Variants in UBE2E2 observed in about 807,000 individuals in gnomAD.
The protein encoded by UBE2E2 is ubiquitin-conjugating enzyme E2 E2.
UBE2E2 carries 6 observed loss-of-function variants against 24.7 expected under a neutral mutation model. The observed-to-expected ratio is 0.24, with a 90% confidence interval of 0.13 to 0.48. UBE2E2 has a LOEUF of 0.48. Among genes scored for constraint, UBE2E2 ranks in the 20% least tolerant of loss-of-function variants. The pLI, the probability that UBE2E2 is intolerant of heterozygous loss-of-function variation, is 0.99. For synonymous variants in UBE2E2, 104 were observed against 83.6 expected, an observed-to-expected ratio of 1.24 and a Z score of -1.33; for missense variants, 169 against 245.0, an observed-to-expected ratio of 0.69 and a Z score of 2.07.
chr3:23,211,405 G>GTTT (rs1210286604), intron 2 of UBE2E2, among the ~76,000 whole-genome samples: 7 of 128,698 alleles, frequency 5.4e-5, no homozygotes, highest in Non-Finnish European at 1.1e-4. Context: ...TAGCTCTGTG[G>GTTT]TCTTTTTTTT....
At chr3:23,402,017 C>T (rs186751105) in intron 3 of UBE2E2, among the ~76,000 whole-genome samples, 67 of 152,018 alleles carry the variant, frequency 4.4e-4, no homozygotes, top group African/African-American at 1.4e-3. Flanking sequence ...CTACCACGCC[C>T]GGCTAATTTG....
At chr3:23,451,751 G>C (rs1459188785) in intron 3 of UBE2E2, among the ~76,000 whole-genome samples, 1 of 152,032 alleles carries the variant, frequency 6.6e-6, no homozygotes, top group Non-Finnish European at 1.5e-5. Context: ...ATTTTTATGA[G>C]CGAGGAATAT....
chr3:23,481,655 T>G (rs1034387519), intron 3 of UBE2E2, among the ~76,000 whole-genome samples: 2 of 152,184 alleles, frequency 1.3e-5, no homozygotes, highest in Admixed American at 1.3e-4. Flanking sequence ...ATTCAAAGGT[T>G]AATGCAAACT....
intron 5 of UBE2E2, among the ~76,000 whole-genome samples, chr3:23,553,928 C>T (rs945688827): frequency 6.6e-6 from 1 of 152,058 alleles, no homozygotes; most frequent in Non-Finnish European, 1.5e-5. Flanking sequence ...ATTTCATGCT[C>T]ATGGACTGGA....
intron 3 of UBE2E2, among the ~76,000 whole-genome samples, chr3:23,320,785 T>C (rs1048313599): frequency 6.6e-6 from 1 of 152,284 alleles, no homozygotes; most frequent in African/African-American, 2.4e-5. Flanking sequence ...CACCCCGGCA[T>C]CCCCCATCTC....
chr3:23,575,687 C>T (rs977663697), intron 5 of UBE2E2, among the ~76,000 whole-genome samples: 1 of 152,070 alleles, frequency 6.6e-6, no homozygotes, highest in East Asian at 1.9e-4. Flanking sequence ...ATTGTACATA[C>T]TTTTATTGAA....
intron 5 of UBE2E2, among the ~76,000 whole-genome samples, chr3:23,582,031 GT>G (rs1696488751): frequency 6.6e-6 from 1 of 152,154 alleles, no homozygotes; most frequent in African/African-American, 2.4e-5. Context: ...AGCATAGGTA[GT>G]TTTTCTATCC....
intron 3 of UBE2E2, among the ~76,000 whole-genome samples, chr3:23,479,987 T>C (rs1156322515): frequency 6.6e-6 from 1 of 152,174 alleles, no homozygotes; most frequent in African/African-American, 2.4e-5. Context: ...TGCTCAGAAC[T>C]GGCAGCCCAG....
chr3:23,317,255 G>A (rs1188775320), intron 3 of UBE2E2, among the ~76,000 whole-genome samples: 1 of 152,202 alleles, frequency 6.6e-6, no homozygotes, highest in African/African-American at 2.4e-5. Context: ...GCTTGTGAAA[G>A]TTCCAGGCTA....
intron 5 of UBE2E2, among the ~76,000 whole-genome samples, chr3:23,555,076 C>T (rs1016691745): frequency 2.0e-5 from 3 of 151,928 alleles, no homozygotes; most frequent in Admixed American, 6.6e-5. Flanking sequence ...CCACCACGCC[C>T]GTCTAATTTT....
At chr3:23,243,778 T>G (rs1232513199) in intron 3 of UBE2E2, among the ~76,000 whole-genome samples, 1 of 151,700 alleles carries the variant, frequency 6.6e-6, no homozygotes, top group Non-Finnish European at 1.5e-5. Flanking sequence ...AAAGTTTTAA[T>G]AATGAAATTT....
rs1323181963 is a variant in UBE2E2, at chr3:23,296,886, C to T, written c.227+79574C>T. 5.9e-5 allele frequency among the ~76,000 whole-genome samples: 9 copies of T among 152,212 alleles called. No homozygotes were observed. The East Asian group carries it at 7.7e-4, about 13-fold the overall frequency. On this transcript the variant is annotated intron_variant, in intron 3 of 5. Transcript: ENST00000396703. Reference sequence around the variant, plus strand: ...CTAGATCCCTGAGGAGTCACCAAACCGACTTCCACAATCGTTGAACTAGTT... The same window carrying T: ...CTAGATCCCTGAGGAGTCACCAAACTGACTTCCACAATCGTTGAACTAGTT...
intron 3 of UBE2E2, among the ~76,000 whole-genome samples, chr3:23,430,351 C>G (rs1212583995): frequency 6.6e-6 from 1 of 152,112 alleles, no homozygotes; most frequent in East Asian, 1.9e-4. Context: ...GGTTACTTAA[C>G]CTGTCTTTGC....
intron 3 of UBE2E2, among the ~76,000 whole-genome samples, chr3:23,403,668 G>A (rs149704422): frequency 2.9e-3 from 445 of 152,104 alleles, no homozygotes; most frequent in African/African-American, 0.01. Flanking sequence ...TTTCAAAAAT[G>A]CAAAAATTAG....
intron 3 of UBE2E2, among the ~76,000 whole-genome samples, chr3:23,488,152 CT>C (rs1007920140): frequency 6.6e-6 from 1 of 151,638 alleles, no homozygotes; most frequent in Non-Finnish European, 1.5e-5. Context: ...TTTAACCTAC[CT>C]TGGAAACAAC....
intron 3 of UBE2E2, among the ~76,000 whole-genome samples, chr3:23,310,510 G>A (rs928943509): frequency 1.4e-4 from 21 of 152,140 alleles, no homozygotes; most frequent in African/African-American, 3.6e-4. Context: ...AAAGCTGTTG[G>A]AGAAGAATGG....
chr3:23,246,246 A>C (rs1249189116), intron 3 of UBE2E2, among the ~76,000 whole-genome samples: 1 of 66,402 alleles, frequency 1.5e-5, no homozygotes, highest in African/African-American at 9.2e-5. Context: ...TTCGAGATGG[A>C]GTCTCGCTCT....
intron 5 of UBE2E2, among the ~76,000 whole-genome samples, chr3:23,570,186 G>A (rs1696189746): frequency 6.6e-6 from 1 of 152,152 alleles, no homozygotes; most frequent in Non-Finnish European, 1.5e-5. Context: ...ACTCCTTGCG[G>A]GTGAGGGATA....
intron 5 of UBE2E2, among the ~76,000 whole-genome samples, chr3:23,536,815 T>G (rs1332511583): frequency 6.6e-6 from 1 of 152,240 alleles, no homozygotes; most frequent in African/African-American, 2.4e-5. Context: ...CTCATTATAC[T>G]TTTCTATGTT....
Sources: allele counts gnomAD v4.1 joint callset (sites outside exome capture counted in the v4.1 genomes callset), GRCh38; gene constraint gnomAD v4.1.1; transcripts MANE v1.5; gene names NCBI Gene and HGNC (gene_info 2026-07-23, HGNC 2026-07-21).